The following IQCM variants were observed in gnomAD, a reference collection of about 807,000 sequenced individuals.
IQCM encodes the protein IQ domain-containing protein M.
Under a neutral mutation model 57.6 loss-of-function variants are expected in IQCM, and 45 were observed. That is an observed-to-expected ratio of 0.78 (90% CI 0.62 to 1.00). The LOEUF (loss-of-function observed/expected upper bound fraction) is 1.00, where lower values mean the gene tolerates loss of function less well. IQCM is among the 50% of genes least tolerant of loss of function. IQCM has a pLI of 0.00. For synonymous variants in IQCM, 148 were observed against 158.9 expected, an observed-to-expected ratio of 0.93 and a Z score of 0.51; for missense variants, 468 against 511.6, an observed-to-expected ratio of 0.91 and a Z score of 0.82.
At chr4:149,527,099 T>C (rs1746237163) in intron 12 of IQCM, among the ~76,000 whole-genome samples, 1 of 152,180 alleles carries the variant, frequency 6.6e-6, no homozygotes, top group African/African-American at 2.4e-5. Context: ...GCATATCAAC[T>C]TGCTATAAAA....
chr4:149,641,795 C>G (rs1405949017), intron 7 of IQCM, among the ~76,000 whole-genome samples: 1 of 152,072 alleles, frequency 6.6e-6, no homozygotes, highest in Admixed American at 6.6e-5. Context: ...CTGTAATTTA[C>G]TAGGGTCATC....
chr4:149,601,714 A>G (rs1466582462), intron 8 of IQCM, among the ~76,000 whole-genome samples: 8 of 152,092 alleles, frequency 5.3e-5, no homozygotes, highest in Non-Finnish European at 7.4e-5. Flanking sequence ...ATTACAGTCA[A>G]CCCTTCATCT....
At chr4:149,790,249 A>G (rs1772468661) in intron 2 of IQCM, 3 of 276,780 alleles carry the variant, frequency 1.1e-5, no homozygotes, top group Non-Finnish European at 2.2e-5. Flanking sequence ...TGAAATTTAC[A>G]CATGATCAAA....
intron 7 of IQCM, among the ~76,000 whole-genome samples, chr4:149,670,572 T>C (rs888758941): frequency 3.9e-5 from 6 of 152,124 alleles, no homozygotes; most frequent in Non-Finnish European, 8.8e-5. Context: ...AAAGGGAATG[T>C]TTCCAGTTTT....
intron 2 of IQCM, among the ~76,000 whole-genome samples, chr4:149,799,525 A>G (rs953055906): frequency 6.6e-6 from 1 of 151,900 alleles, no homozygotes; most frequent in South Asian, 2.1e-4. Flanking sequence ...ACAAAACAAT[A>G]CAAAAGATCA....
intron 13 of IQCM, among the ~76,000 whole-genome samples, chr4:149,374,998 T>TGTGTGTGTGTG (rs10699278): frequency 8.8e-4 from 116 of 132,524 alleles, no homozygotes; most frequent in African/African-American, 2.1e-3. Context: ...TGTGTGTGTG[T>TGTGTGTGTGTG]TGTGTGTGTG....
chr4:149,759,639 T>C (rs1769308944), intron 2 of IQCM, among the ~76,000 whole-genome samples: 3 of 152,080 alleles, frequency 2.0e-5, no homozygotes. Flanking sequence ...AAGCCAAAAC[T>C]TCTCTTAAAA....
intron 2 of IQCM, among the ~76,000 whole-genome samples, chr4:149,768,192 T>C (rs1770236309): frequency 6.6e-6 from 1 of 152,164 alleles, no homozygotes; most frequent in African/African-American, 2.4e-5. Context: ...AAGCGATGGT[T>C]AGATTAAATT....
At chr4:149,728,083 A>C (rs763084620) in intron 5 of IQCM, among the ~76,000 whole-genome samples, 27 of 152,204 alleles carry the variant, frequency 1.8e-4, no homozygotes, top group Non-Finnish European at 2.9e-4. Context: ...ACTGACTAAA[A>C]GGTTCTGTTC....
intron 7 of IQCM, among the ~76,000 whole-genome samples, chr4:149,657,060 T>C (rs539863832): frequency 6.6e-6 from 1 of 152,254 alleles, no homozygotes; most frequent in Admixed American, 6.5e-5. Context: ...TACAATACCT[T>C]ACTGTTAACC....
At chr4:149,607,324 C>T (rs1451031362) in intron 8 of IQCM, among the ~76,000 whole-genome samples, 2 of 151,986 alleles carry the variant, frequency 1.3e-5, no homozygotes, top group African/African-American at 2.4e-5. Context: ...CAAATAAAGA[C>T]TTTCCCAAAC....
chr4:149,487,474 C>T (rs1478215682), intron 12 of IQCM, among the ~76,000 whole-genome samples: 1 of 152,190 alleles, frequency 6.6e-6, no homozygotes, highest in African/African-American at 2.4e-5. Flanking sequence ...TCCACTGTCT[C>T]TAAGCTCAGC....
At chr4:149,372,833 T>G (rs756767222) in intron 13 of IQCM, among the ~76,000 whole-genome samples, 3 of 152,276 alleles carry the variant, frequency 2.0e-5, no homozygotes, top group African/African-American at 7.2e-5. Context: ...TGTTACATCC[T>G]AGAATTTTTA....
At chr4:149,790,104 A>T in intron 2 of IQCM, 1 of 681,092 alleles carries the variant, frequency 1.5e-6, no homozygotes. Context: ...CCATTAAAAA[A>T]AGAACAGCCC....
In IQCM at chr4:149,511,418, C is replaced by T. The variant is rs1301813471; in HGVS notation, c.1228+37037G>A. On this transcript the variant is annotated intron_variant, in intron 12 of 13. Coordinates refer to ENST00000636793, the MANE Select transcript of IQCM (RefSeq NM_001363507.2). Reference sequence around the variant, plus strand: ...TGGTACATGTCTGTAATCCCAGCTACTTGGGAGGCTGATGCAGGAAAATCA... The same window carrying T: ...TGGTACATGTCTGTAATCCCAGCTATTTGGGAGGCTGATGCAGGAAAATCA... Among the ~76,000 whole-genome samples the T allele has an allele frequency of 2.6e-5, 4 of 151,688 alleles. No individual in the cohort carries two copies. In the East Asian group the frequency reaches 7.7e-4, roughly 29 times the overall value.
intron 5 of IQCM, among the ~76,000 whole-genome samples, chr4:149,705,918 A>AAT (rs1217376125): frequency 6.6e-6 from 1 of 151,848 alleles, no homozygotes; most frequent in Non-Finnish European, 1.5e-5. Flanking sequence ...ACACAAATAA[A>AAT]AAAAAAAATT....
chr4:149,743,321 A>T, intron 2 of IQCM, among the ~76,000 whole-genome samples: 1 of 152,054 alleles, frequency 6.6e-6, no homozygotes, highest in Non-Finnish European at 1.5e-5. Flanking sequence ...TACCTCTTCC[A>T]TGACCACCCA....
intron 2 of IQCM, among the ~76,000 whole-genome samples, chr4:149,781,724 C>T (rs976361582): frequency 2.0e-5 from 3 of 152,148 alleles, no homozygotes; most frequent in African/African-American, 7.2e-5. Context: ...ATGCATCCCC[C>T]TCAAAGGGAG....
intron 12 of IQCM, among the ~76,000 whole-genome samples, chr4:149,533,932 C>T (rs1210421362): frequency 1.3e-5 from 2 of 152,086 alleles, no homozygotes; most frequent in Non-Finnish European, 2.9e-5. Flanking sequence ...ATGAACTGCA[C>T]TTTTCATGGA....
Sources: gnomAD v4.1 joint callset for allele counts (sites outside exome capture counted in the v4.1 genomes callset) on GRCh38, gnomAD v4.1.1 for gene constraint, MANE v1.5 for transcripts, NCBI Gene and HGNC (gene_info 2026-07-23, HGNC 2026-07-21) for gene names.